The following ADAMTS19 variants were observed in gnomAD, a reference collection of about 807,000 sequenced individuals.
ADAMTS19 encodes A disintegrin and metalloproteinase with thrombospondin motifs 19.
Under a neutral mutation model 153.3 loss-of-function variants are expected in ADAMTS19, and 93 were observed. The observed-to-expected ratio is 0.61, with a 90% CI of 0.51 to 0.72. The LOEUF (loss-of-function observed/expected upper bound fraction) is 0.72, where lower values mean the gene tolerates loss of function less well. ADAMTS19 is among the 30% of genes least tolerant of loss of function. The pLI, the probability that ADAMTS19 is intolerant of heterozygous loss-of-function variation, is 0.00. For synonymous variants in ADAMTS19, 600 were observed against 556.6 expected, an observed-to-expected ratio of 1.08 and a Z score of -1.10; for missense variants, 1,482 against 1,552.1, an observed-to-expected ratio of 0.95 and a Z score of 0.76.
chr5:129,683,954 G>A (rs889966998), intron 17 of ADAMTS19, among the ~76,000 whole-genome samples, 166 bp from the exon 18 acceptor site: 9 of 151,442 alleles, frequency 5.9e-5, no homozygotes, highest in African/African-American at 1.7e-4. Flanking sequence ...ATAATGTCAC[G>A]TTTCTAGTGT....
chr5:129,583,933 C>T (rs2126891615), intron 7 of ADAMTS19, among the ~76,000 whole-genome samples: 1 of 152,202 alleles, frequency 6.6e-6, no homozygotes, highest in Non-Finnish European at 1.5e-5. Context: ...AAATCATTGT[C>T]TGTCCAGTTT....
intron 15 of ADAMTS19, among the ~76,000 whole-genome samples, chr5:129,663,958 G>A (rs1023903338): frequency 2.6e-5 from 4 of 152,036 alleles, no homozygotes; most frequent in Admixed American, 6.6e-5. Flanking sequence ...CTGTATGCAT[G>A]TGAATGCTAC....
chr5:129,595,444 T>C (rs755356209), intron 7 of ADAMTS19, among the ~76,000 whole-genome samples: 4 of 152,108 alleles, frequency 2.6e-5, no homozygotes, highest in African/African-American at 9.6e-5. Context: ...TAAAATTTTA[T>C]TAAAATAATT....
rs1263470185 is a variant in ADAMTS19 at position 129,694,709 on chromosome 5, G to A, written c.2819-11G>A. 6.5e-7 allele frequency: 1 copy of A among 1,538,122 alleles called. No individual in the cohort carries two copies. The highest frequency in any genetic ancestry group is 8.8e-7 in the Non-Finnish European group (1 of 1,140,546). ...TATAATAATATTTCTTTGTTTATTT[G>A]TTCTTTTCAGGAGAAAGGAAGACAA... On this transcript the variant is annotated splice_polypyrimidine_tract_variant and intron_variant, in intron 18 of 22. Coordinates refer to ENST00000274487, the MANE Select transcript of ADAMTS19 (RefSeq NM_133638.6).
intron 7 of ADAMTS19, among the ~76,000 whole-genome samples, chr5:129,557,840 T>G (rs1301672403): frequency 6.6e-6 from 1 of 151,450 alleles, no homozygotes; most frequent in Non-Finnish European, 1.5e-5. Flanking sequence ...ATTAAGAAAG[T>G]CAAAACCAAA....
At chr5:129,530,713 A>C (rs1179118653) in intron 6 of ADAMTS19, among the ~76,000 whole-genome samples, 1 of 152,122 alleles carries the variant, frequency 6.6e-6, no homozygotes, top group Non-Finnish European at 1.5e-5. Flanking sequence ...AAAAGGAGAA[A>C]ACTGAACATT....
intron 8 of ADAMTS19, among the ~76,000 whole-genome samples, chr5:129,597,213 T>A (rs1243167022): frequency 1.3e-5 from 2 of 152,112 alleles, no homozygotes; most frequent in Non-Finnish European, 2.9e-5. Context: ...CCCAAAGAGG[T>A]AGTTATTGTT....
chr5:129,682,407 T>G (rs1453633375), intron 17 of ADAMTS19, among the ~76,000 whole-genome samples: 1 of 152,212 alleles, frequency 6.6e-6, no homozygotes, highest in Non-Finnish European at 1.5e-5. Flanking sequence ...ATTCAAATGG[T>G]TTAAGAAAGA....
chr5:129,517,749 G>A (rs535367205), intron 3 of ADAMTS19, among the ~76,000 whole-genome samples: 23 of 151,892 alleles, frequency 1.5e-4, no homozygotes, highest in African/African-American at 5.3e-4. Context: ...GCCATTTTAT[G>A]TCTTTTGATT....
chr5:129,640,053 G>C (rs1344222091), intron 10 of ADAMTS19, among the ~76,000 whole-genome samples: 1 of 152,106 alleles, frequency 6.6e-6, no homozygotes, highest in African/African-American at 2.4e-5. Context: ...GCTATGGGCA[G>C]TTAGAAGAAG....
At chr5:129,635,985 C>T (rs1225692859) in intron 10 of ADAMTS19, among the ~76,000 whole-genome samples, 3 of 152,156 alleles carry the variant, frequency 2.0e-5, no homozygotes, top group Non-Finnish European at 4.4e-5. Flanking sequence ...CAACCTCCAG[C>T]TCCCAGGTTC....
intron 22 of ADAMTS19, 94 bp from the exon 23 acceptor site, chr5:129,736,973 G>A (rs1158713871): frequency 1.6e-6 from 2 of 1,255,488 alleles, no homozygotes; most frequent in Non-Finnish European, 2.1e-6. Flanking sequence ...CAAAGAGAGT[G>A]TACAAAATCC....
At chr5:129,592,558 G>A (rs367725299) in intron 7 of ADAMTS19, among the ~76,000 whole-genome samples, 8 of 152,032 alleles carry the variant, frequency 5.3e-5, no homozygotes, top group African/African-American at 1.2e-4. Context: ...TACATTAGTC[G>A]TGGTTACAGT....
chr5:129,675,588 T>C (rs1342021408), intron 16 of ADAMTS19, among the ~76,000 whole-genome samples: 4 of 152,166 alleles, frequency 2.6e-5, no homozygotes, highest in African/African-American at 9.6e-5. Flanking sequence ...TCTGTGACTT[T>C]ATCATTACAG....
At chr5:129,666,259 A>T (rs1754051582) in intron 16 of ADAMTS19, among the ~76,000 whole-genome samples, 1 of 152,146 alleles carries the variant, frequency 6.6e-6, no homozygotes, top group Non-Finnish European at 1.5e-5. Context: ...CATATGTTAA[A>T]GTTTCAATCT....
chr5:129,575,730 G>A (rs1490508238), intron 7 of ADAMTS19, among the ~76,000 whole-genome samples: 1 of 151,966 alleles, frequency 6.6e-6, no homozygotes, highest in Non-Finnish European at 1.5e-5. Context: ...ATGACTTTTT[G>A]ATTGTGTCAT....
intron 6 of ADAMTS19, among the ~76,000 whole-genome samples, chr5:129,531,315 A>G (rs1361790595): frequency 2.0e-5 from 3 of 152,130 alleles, no homozygotes; most frequent in Non-Finnish European, 4.4e-5. Context: ...AAGAATCAAA[A>G]CAGTTTTGAA....
At chr5:129,734,850 G>C in intron 21 of ADAMTS19, 82 bp from the exon 22 acceptor site, 1 of 1,209,252 alleles carries the variant, frequency 8.3e-7, no homozygotes, top group Non-Finnish European at 1.1e-6. Context: ...AACATTTAGA[G>C]AATGTTCCCA....
intron 3 of ADAMTS19, among the ~76,000 whole-genome samples, chr5:129,516,506 C>T (rs943908167): frequency 2.6e-5 from 4 of 151,608 alleles, no homozygotes; most frequent in Admixed American, 2.6e-4. Context: ...TTTTTGATTT[C>T]TTCCTGTTTC....
Sources: allele counts gnomAD v4.1 joint callset (sites outside exome capture counted in the v4.1 genomes callset), GRCh38; gene constraint gnomAD v4.1.1; transcripts MANE v1.5; gene names NCBI Gene and HGNC (gene_info 2026-07-23, HGNC 2026-07-21).